The following SLC9A6 variants were observed in gnomAD, a reference collection of about 807,000 sequenced individuals.
The protein encoded by SLC9A6 is solute carrier family 9 member A6, also known as sodium/hydrogen exchanger 6.
A neutral mutation model predicts 45.3 loss-of-function variants in SLC9A6; 6 were observed. The ratio of observed to expected loss-of-function variants is 0.13; its 90% confidence interval spans 0.07 to 0.26. The LOEUF is 0.26. Among genes scored for constraint, SLC9A6 ranks in the 10% least tolerant of loss-of-function variants. SLC9A6 has a pLI of 1.00. For synonymous variants in SLC9A6, 191 were observed against 187.7 expected (o/e 1.02, Z -0.14); for missense variants, 278 against 503.7 (o/e 0.55, Z 4.29).
In SLC9A6 at chrX:136,044,135, C is replaced by T. The variant is rs782646343; in HGVS notation, c.1768-317C>T. On this transcript the variant is annotated intron_variant, in intron 17 of 17. Coordinates refer to ENST00000630721, the MANE Select transcript of SLC9A6 (RefSeq NM_001379110.1). Reference sequence around the variant, plus strand: ...GCAAAAGTGATAAAAGGATGTTAGTCATTTGAAGGGAAAGAGGGGTCATGT... The same window carrying T: ...GCAAAAGTGATAAAAGGATGTTAGTTATTTGAAGGGAAAGAGGGGTCATGT... Among the ~76,000 whole-genome samples the T allele has an allele frequency of 2.7e-5, 3 of 111,548 alleles. No homozygotes were observed. The South Asian group carries it at 1.1e-3, about 42-fold the overall frequency.
chrX:136,031,484 G>A (rs2071319746), intron 15 of SLC9A6, among the ~76,000 whole-genome samples: 2 of 112,099 alleles, frequency 1.8e-5, no homozygotes, highest in Admixed American at 9.4e-5. Context: ...TGGATCACAC[G>A]AGGTCAGGAA....
intron 16 of SLC9A6, among the ~76,000 whole-genome samples, chrX:136,038,894 T>C (rs181475888): frequency 9.3e-6 from 1 of 107,716 alleles, no homozygotes. Context: ...TTACTCAAAA[T>C]GCTAGAATTC....
chrX:135,978,153 C>T (rs1185955226), intron 1 of SLC9A6, among the ~76,000 whole-genome samples: 1 of 112,222 alleles, frequency 8.9e-6, no homozygotes, highest in Non-Finnish European at 1.9e-5. Context: ...GCTATTGACC[C>T]TTCTAGCTAT....
intron 7 of SLC9A6, among the ~76,000 whole-genome samples, chrX:136,007,499 T>C (rs781797121): frequency 5.4e-5 from 6 of 112,102 alleles, no homozygotes; most frequent in African/African-American, 1.9e-4. Flanking sequence ...TCACTATTTA[T>C]GATAATGTTA....
Position 136,046,799 on chromosome X carries a change from C to G in SLC9A6, c.*2075C>G, listed in dbSNP as rs1168156596. On this transcript the variant is annotated 3_prime_UTR_variant, in exon 18 of 18. Transcript: ENST00000630721. ...CCAAGCAAGGAAGAAAAAACAAACT[C>G]TGCTCAGACGCCTATGAAACACCTG... is the stretch of plus-strand genomic sequence containing the variant. The G allele has an allele frequency of 8.9e-6, 1 of 112,556 alleles. No individual in the cohort carries two copies. Among genetic ancestry groups the G allele is most frequent in the East Asian group, 2.8e-4 (1 of 3,576 alleles). 9.3% of individuals were successfully genotyped at this position (112,556 alleles called of 1,213,427 possible).
chrX:136,005,874 A>C (rs782397781), intron 7 of SLC9A6, among the ~76,000 whole-genome samples: 13 of 111,760 alleles, frequency 1.2e-4, no homozygotes, highest in African/African-American at 3.6e-4. Flanking sequence ...TGTAAGAGAT[A>C]ATACGTTAAC....
intron 6 of SLC9A6, among the ~76,000 whole-genome samples, chrX:135,999,498 G>T (rs1475254456): frequency 8.9e-6 from 1 of 112,080 alleles, no homozygotes; most frequent in Non-Finnish European, 1.9e-5. Flanking sequence ...ATACATTAAA[G>T]AATTGTTTTT....
chrX:135,988,515 TC>T (rs2089379394), intron 2 of SLC9A6, among the ~76,000 whole-genome samples: 1 of 105,250 alleles, frequency 9.5e-6, no homozygotes, highest in African/African-American at 3.5e-5. Context: ...TCTTTCTTTC[TC>T]TCTCTTTCTT....
At chrX:135,985,397 G>T (rs1461694108), upstream of SLC9A6, 15 of 478,561 alleles carry the variant, frequency 3.1e-5, no homozygotes, top group Non-Finnish European at 3.9e-5. Flanking sequence ...GGCGGCGCGC[G>T]CTCCGACGGC....
intron 16 of SLC9A6, among the ~76,000 whole-genome samples, chrX:136,036,929 A>T (rs1271494481): frequency 1.8e-5 from 2 of 112,127 alleles, no homozygotes; most frequent in African/African-American, 6.5e-5. Flanking sequence ...ACTTTTTTCC[A>T]TATGCATATC....
At chrX:136,002,019 T>C in intron 6 of SLC9A6, 89 bp from the exon 7 acceptor site, 1 of 620,041 alleles carries the variant, frequency 1.6e-6, no homozygotes, top group Non-Finnish European at 2.8e-6. Context: ...AGGAAATGAA[T>C]TTCTAAATAA....
intron 9 of SLC9A6, 124 bp from the exon 10 acceptor site, chrX:136,013,225 T>C: frequency 1.3e-6 from 1 of 751,400 alleles, no homozygotes; most frequent in Admixed American, 2.3e-5. Flanking sequence ...TGGTTCCTCT[T>C]AACAAAGTAA....
rs372003999 is a variant in SLC9A6 at position 135,994,878 on chromosome X, A to G, written c.262A>G (p.Thr88Ala). ...GAGCTGTGAAGTGCAGTCAAGTCCA[A>G]CTACCTTACTGGTAAATGTTAGTGG... is the stretch of plus-strand genomic sequence containing the variant. ...TLSCEVQSSP[T>A]TLLVNVSGKF... The change falls in exon 3 of 18, where the codon ACT becomes GCT. Residue 88 changes from threonine to alanine, a missense_variant. This residue lies in a region of SLC9A6 where 118 missense variants were observed against 209.9 expected (regional missense o/e 0.56). Transcript: ENST00000630721. The G allele has an allele frequency of 1.7e-5, 20 of 1,206,063 alleles. No individual in the cohort carries two copies. The highest frequency in any genetic ancestry group is 3.0e-5 in the East Asian group (1 of 33,775).
intron 7 of SLC9A6, among the ~76,000 whole-genome samples, chrX:136,009,831 T>C (rs2070884579): frequency 8.9e-6 from 1 of 112,387 alleles, no homozygotes; most frequent in East Asian, 2.8e-4. Flanking sequence ...CTGGTTATGC[T>C]GAAAGTACTG....
chrX:135,986,227 A>G (rs1441555702), intron 2 of SLC9A6, among the ~76,000 whole-genome samples: 1 of 110,053 alleles, frequency 9.1e-6, no homozygotes, highest in Non-Finnish European at 1.9e-5. Context: ...CAGTTTGTTT[A>G]AGGTTCATTG....
At chrX:136,022,958 G>A (rs1374937784) in intron 12 of SLC9A6, among the ~76,000 whole-genome samples, 1 of 106,955 alleles carries the variant, frequency 9.3e-6, no homozygotes, top group African/African-American at 3.4e-5. Flanking sequence ...TACAAGGCAT[G>A]CACCAATATG....
chrX:136,028,379 T>G (rs2071264057), intron 13 of SLC9A6, among the ~76,000 whole-genome samples: 1 of 111,864 alleles, frequency 8.9e-6, no homozygotes, highest in Admixed American at 9.5e-5. Context: ...CCTTAGGGAT[T>G]ATGCCCTAGT....
At chrX:136,032,559 C>T (rs886738537) in intron 15 of SLC9A6, among the ~76,000 whole-genome samples, 1 of 112,139 alleles carries the variant, frequency 8.9e-6, no homozygotes, top group Non-Finnish European at 1.9e-5. Context: ...TGCCTAACTG[C>T]CCAACTGCTG....
At chrX:135,985,406 G>C (rs1200141228), upstream of SLC9A6, 52 of 548,623 alleles carry the variant, frequency 9.5e-5, no homozygotes, top group Non-Finnish European at 1.3e-4. Flanking sequence ...CGCTCCGACG[G>C]CTACCCCCGG....
Sources: allele counts gnomAD v4.1 joint callset (sites outside exome capture counted in the v4.1 genomes callset), GRCh38; gene constraint gnomAD v4.1.1; regional missense constraint gnomAD v4.1.1; transcripts MANE v1.5; gene names NCBI Gene and HGNC (gene_info 2026-07-23, HGNC 2026-07-21).